CADM2: variants seen among roughly 807,000 people sequenced by gnomAD.
CADM2 encodes immunoglobulin superfamily member 4D.
CADM2 carries 12 observed loss-of-function variants against 49.8 expected under a neutral mutation model. The observed-to-expected ratio is 0.24, with a 90% CI of 0.15 to 0.39. CADM2 has a LOEUF of 0.39. Ranked by LOEUF, CADM2 falls within the 10% of genes least tolerant of loss-of-function variation. The pLI is 1.00. For synonymous variants in CADM2, 214 were observed against 175.4 expected (o/e 1.22, Z -1.74); for missense variants, 378 against 492.3 (o/e 0.77, Z 2.20).
chr3:85,853,291 G>A lies in CADM2; in HGVS notation c.239-30000G>A, dbSNP rs966906025. Reference sequence around the variant, plus strand: ...GGCATTAGAAACCAAGGGGTGGGGGGAAGCAACAAAAACAACAACAACAAC... The same window carrying A: ...GGCATTAGAAACCAAGGGGTGGGGGAAAGCAACAAAAACAACAACAACAAC... On this transcript the variant is annotated intron_variant, in intron 3 of 9. Coordinates refer to ENST00000383699, the MANE Select transcript of CADM2 (RefSeq NM_001167675.2). Among the ~76,000 whole-genome samples the A allele has an allele frequency of 2.6e-5, 4 of 151,658 alleles. No homozygotes were observed. The East Asian group carries it at 7.7e-4, about 29-fold the overall frequency.
chr3:85,399,194 A>C (rs761695505), intron 1 of CADM2, among the ~76,000 whole-genome samples: 14 of 152,184 alleles, frequency 9.2e-5, no homozygotes, highest in Non-Finnish European at 1.9e-4. Context: ...ATCCACTTTC[A>C]GCTTTCTACA....
At chr3:85,586,999 A>G (rs1312383819) in intron 1 of CADM2, among the ~76,000 whole-genome samples, 3 of 152,050 alleles carry the variant, frequency 2.0e-5, no homozygotes, top group Non-Finnish European at 4.4e-5. Context: ...CAAAGAAGAA[A>G]TAGTAGATGG....
intron 3 of CADM2, among the ~76,000 whole-genome samples, chr3:85,852,810 C>T (rs1019641632): frequency 6.6e-6 from 1 of 152,020 alleles, no homozygotes; most frequent in African/African-American, 2.4e-5. Context: ...TATTTGCTTA[C>T]AGATGATTTA....
chr3:86,042,277 A>G (rs1021179358), intron 8 of CADM2, among the ~76,000 whole-genome samples: 2 of 152,156 alleles, frequency 1.3e-5, no homozygotes, highest in Non-Finnish European at 2.9e-5. Flanking sequence ...TCAAAAAATC[A>G]ATGAATCCAG....
intron 1 of CADM2, among the ~76,000 whole-genome samples, chr3:85,311,641 G>A (rs1275016884): frequency 6.6e-6 from 1 of 152,060 alleles, no homozygotes; most frequent in African/African-American, 2.4e-5. Flanking sequence ...CTCCCAAAGT[G>A]CTGGGATTAC....
At chr3:85,782,398 C>T (rs764773031) in intron 2 of CADM2, among the ~76,000 whole-genome samples, 4 of 151,920 alleles carry the variant, frequency 2.6e-5, no homozygotes, top group African/African-American at 7.3e-5. Flanking sequence ...CATTTCTTGC[C>T]GAGTGAGATG....
intron 1 of CADM2, among the ~76,000 whole-genome samples, chr3:85,241,786 T>C (rs1271838586): frequency 6.6e-6 from 1 of 151,592 alleles, no homozygotes; most frequent in Admixed American, 6.6e-5. Flanking sequence ...GCCTCATCTC[T>C]TTCAGGTAGG....
At chr3:85,738,821 G>T (rs1292656719) in intron 2 of CADM2, among the ~76,000 whole-genome samples, 3 of 152,082 alleles carry the variant, frequency 2.0e-5, no homozygotes, top group Non-Finnish European at 4.4e-5. Context: ...ATTTTAAAAT[G>T]TAGCAACTAG....
intron 1 of CADM2, among the ~76,000 whole-genome samples, chr3:85,058,734 C>G (rs960472326): frequency 1.1e-4 from 16 of 151,934 alleles, no homozygotes; most frequent in Non-Finnish European, 2.1e-4. Context: ...CATGAGCCAC[C>G]GCGCCCAGCT....
chr3:85,381,472 G>GTA (rs1172591292), intron 1 of CADM2, among the ~76,000 whole-genome samples: 4 of 146,466 alleles, frequency 2.7e-5, no homozygotes, highest in African/African-American at 5.0e-5. Context: ...TATATATAAA[G>GTA]TATATATATA....
intron 8 of CADM2, among the ~76,000 whole-genome samples, chr3:86,048,464 T>A (rs564997763): frequency 6.6e-6 from 1 of 152,042 alleles, no homozygotes; most frequent in Non-Finnish European, 1.5e-5. Context: ...ATTTTATTGC[T>A]TGATCAAAAT....
At chr3:85,647,852 A>G (rs888112028) in intron 1 of CADM2, among the ~76,000 whole-genome samples, 10 of 151,850 alleles carry the variant, frequency 6.6e-5, no homozygotes, top group African/African-American at 2.4e-4. Context: ...AGACAACAAA[A>G]ATAAAAGAAA....
intron 1 of CADM2, among the ~76,000 whole-genome samples, chr3:85,197,345 G>T (rs1423226132): frequency 6.6e-6 from 1 of 151,860 alleles, no homozygotes; most frequent in African/African-American, 2.4e-5. Context: ...AGTTTCCAAA[G>T]TGAAAGAAAA....
rs182486722 is a variant in CADM2, at chr3:85,266,888, C to G, written c.61+307220C>G. On this transcript the variant is annotated intron_variant, in intron 1 of 9. Coordinates refer to ENST00000383699, the MANE Select transcript of CADM2 (RefSeq NM_001167675.2). ...TGAAAACATCCATTTAAAAATCTAA[C>G]TAGCAGCTCTTCATCAGCAGTCAAC... is the stretch of plus-strand genomic sequence containing the variant. Among the ~76,000 whole-genome samples, 91 of 151,960 alleles carry G rather than the reference C, an allele frequency of 6.0e-4. 3 individuals are homozygous for G. In the East Asian group the frequency reaches 0.017, roughly 29 times the overall value.
chr3:85,083,711 T>A (rs1427251855), intron 1 of CADM2, among the ~76,000 whole-genome samples: 1 of 152,164 alleles, frequency 6.6e-6, no homozygotes, highest in South Asian at 2.1e-4. Flanking sequence ...AAAATATTTT[T>A]AAAATCTCCT....
chr3:85,127,170 T>TA (rs1375997838), intron 1 of CADM2, among the ~76,000 whole-genome samples: 1 of 152,156 alleles, frequency 6.6e-6, no homozygotes, highest in Admixed American at 6.6e-5. Flanking sequence ...AAAGGGTGAT[T>TA]AAAAAAGAGA....
intron 1 of CADM2, among the ~76,000 whole-genome samples, chr3:85,169,386 G>A (rs1438644337): frequency 6.6e-6 from 1 of 152,130 alleles, no homozygotes; most frequent in Admixed American, 6.5e-5. Flanking sequence ...GTTTTATTAA[G>A]AGTCCTCTTC....
chr3:85,763,944 C>T (rs1302557990), intron 2 of CADM2, among the ~76,000 whole-genome samples: 1 of 152,098 alleles, frequency 6.6e-6, no homozygotes, highest in Non-Finnish European at 1.5e-5. Flanking sequence ...GCATTCTCTG[C>T]CTTGGCTTAC....
chr3:85,897,124 ATTCT>A (rs1715319922), intron 5 of CADM2, among the ~76,000 whole-genome samples: 1 of 151,898 alleles, frequency 6.6e-6, no homozygotes. Context: ...GACTCTTAAC[ATTCT>A]TTCTACCTTA....
Sources: allele counts gnomAD v4.1 joint callset (sites outside exome capture counted in the v4.1 genomes callset), GRCh38; gene constraint gnomAD v4.1.1; transcripts MANE v1.5; gene names NCBI Gene and HGNC (gene_info 2026-07-23, HGNC 2026-07-21).